The following HIBADH variants were observed in gnomAD, a reference collection of about 807,000 sequenced individuals.
The protein encoded by HIBADH is 3-hydroxyisobutyrate dehydrogenase.
A neutral mutation model predicts 36.1 loss-of-function variants in HIBADH; 25 were observed. The ratio of observed to expected loss-of-function variants is 0.69; its 90% CI spans 0.50 to 0.97. The LOEUF (loss-of-function observed/expected upper bound fraction) is 0.97. Ranked by LOEUF, HIBADH falls within the 50% of genes least tolerant of loss-of-function variation. HIBADH has a pLI of 0.00. For missense variants in HIBADH, 421 were observed against 418.0 expected (o/e 1.01, Z -0.06); for synonymous variants, 160 against 149.5 (o/e 1.07, Z -0.51).
chr7:27,577,501 T>A (rs1334869339), intron 4 of HIBADH, among the ~76,000 whole-genome samples: 1 of 152,186 alleles, frequency 6.6e-6, no homozygotes, highest in Non-Finnish European at 1.5e-5. Flanking sequence ...CAAATCTTTT[T>A]AAAAGACCCA....
chr7:27,636,718 C>T (rs1283431300), intron 2 of HIBADH, among the ~76,000 whole-genome samples: 1 of 152,190 alleles, frequency 6.6e-6, no homozygotes, highest in African/African-American at 2.4e-5. Flanking sequence ...CATAGATCAG[C>T]AGCATCTCCA....
At chr7:27,660,675 AT>A (rs71555708) in intron 1 of HIBADH, among the ~76,000 whole-genome samples, 20 of 151,500 alleles carry the variant, frequency 1.3e-4, no homozygotes, top group African/African-American at 3.4e-4. Context: ...AAAAAAAAAA[AT>A]TTTTTTCAAG....
At chr7:27,584,115 T>G (rs1784827187) in intron 4 of HIBADH, among the ~76,000 whole-genome samples, 1 of 152,054 alleles carries the variant, frequency 6.6e-6, no homozygotes, top group African/African-American at 2.4e-5. Flanking sequence ...AATAACTTTT[T>G]CAGATAATTG....
At chr7:27,595,996 C>T (rs910300765) in intron 4 of HIBADH, among the ~76,000 whole-genome samples, 3 of 152,184 alleles carry the variant, frequency 2.0e-5, no homozygotes, top group African/African-American at 4.8e-5. Flanking sequence ...TCAGTTCCCC[C>T]AAACAGATTG....
chr7:27,632,710 C>CAAA (rs1290958663), intron 2 of HIBADH, among the ~76,000 whole-genome samples: 3 of 151,860 alleles, frequency 2.0e-5, no homozygotes, highest in African/African-American at 7.3e-5. Context: ...GGTAAAAGGG[C>CAAA]AAAACCCAGC....
At chr7:27,640,851 T>A (rs1159016258) in intron 2 of HIBADH, among the ~76,000 whole-genome samples, 1 of 152,202 alleles carries the variant, frequency 6.6e-6, no homozygotes, top group Admixed American at 6.5e-5. Flanking sequence ...CATTTAATGA[T>A]CTATACATAC....
intron 4 of HIBADH, among the ~76,000 whole-genome samples, chr7:27,543,726 C>A (rs1054497235): frequency 1.4e-4 from 22 of 152,204 alleles, no homozygotes; most frequent in African/African-American, 5.1e-4. Flanking sequence ...TTTTTCTTTT[C>A]CTTCCTGCTA....
chr7:27,613,188 AAT>A (rs1159171281), intron 4 of HIBADH, among the ~76,000 whole-genome samples: 6 of 30,466 alleles, frequency 2.0e-4, no homozygotes, highest in Non-Finnish European at 2.8e-4. Flanking sequence ...TATTTATATA[AAT>A]ATATATATTT....
intron 4 of HIBADH, among the ~76,000 whole-genome samples, chr7:27,596,245 G>A (rs1562636282): frequency 6.6e-6 from 1 of 152,064 alleles, no homozygotes; most frequent in East Asian, 1.9e-4. Context: ...TGGCAGAAGG[G>A]GGCATAAAGG....
chr7:27,555,237 T>TG (rs1348349158), intron 4 of HIBADH, among the ~76,000 whole-genome samples: 2 of 150,984 alleles, frequency 1.3e-5, no homozygotes, highest in Non-Finnish European at 2.9e-5. Context: ...GTAATTTAAG[T>TG]GGGGAGAACT....
At chr7:27,626,672 A>G (rs2085790851) in intron 4 of HIBADH, among the ~76,000 whole-genome samples, 1 of 152,218 alleles carries the variant, frequency 6.6e-6, no homozygotes, top group African/African-American at 2.4e-5. Flanking sequence ...AAAAATCATT[A>G]CTATTTTAAA....
Position 27,638,308 on chromosome 7 carries a change from C to CAAAAAA in HIBADH, c.253-5869_253-5864dup, listed in dbSNP as rs368715218. ...ATACCCATCTGATCTTTGGCAAAGT[C>CAAAAAA]AAAAAAAAAAAAAAAAAAAAAACAA... On this transcript the variant is annotated intron_variant, in intron 2 of 7. Transcript: ENST00000265395. 3.2e-3 allele frequency among the ~76,000 whole-genome samples: 175 copies of CAAAAAA among 55,410 alleles called. 5 individuals carry two copies. Among genetic ancestry groups the CAAAAAA allele is most frequent in the African/African-American group, 8.1e-3 (109 of 13,412 alleles). 36.4% of individuals were successfully genotyped at this position (55,410 alleles called of 152,430 possible).
intron 4 of HIBADH, among the ~76,000 whole-genome samples, chr7:27,623,217 A>G (rs1785575494): frequency 6.6e-6 from 1 of 152,224 alleles, no homozygotes; most frequent in South Asian, 2.1e-4. Flanking sequence ...CCTTCATAAT[A>G]ATCCTCAACA....
At chr7:27,578,569 G>A (rs1039054170) in intron 4 of HIBADH, among the ~76,000 whole-genome samples, 6 of 152,076 alleles carry the variant, frequency 3.9e-5, no homozygotes, top group Admixed American at 2.0e-4. Flanking sequence ...CGCCTGTCTC[G>A]GCCTCCTGAA....
chr7:27,537,972 A>C (rs558902728), intron 6 of HIBADH, among the ~76,000 whole-genome samples: 1 of 152,284 alleles, frequency 6.6e-6, no homozygotes, highest in East Asian at 1.9e-4. Flanking sequence ...TACACACTAA[A>C]ACCATGTCTT....
At chr7:27,527,062 GT>G (rs1783913751) in intron 7 of HIBADH, among the ~76,000 whole-genome samples, 2 of 9,232 alleles carry the variant, frequency 2.2e-4, no homozygotes, top group African/African-American at 3.7e-3. Flanking sequence ...GGCAGACAAT[GT>G]GACAGCAAAT....
intron 4 of HIBADH, among the ~76,000 whole-genome samples, chr7:27,617,058 A>G (rs1050406797): frequency 1.3e-5 from 2 of 151,898 alleles, no homozygotes; most frequent in Admixed American, 6.6e-5. Context: ...AGTGTACAGT[A>G]ATGTCCTGGG....
chr7:27,588,919 A>T (rs2128288673), intron 4 of HIBADH, among the ~76,000 whole-genome samples: 1 of 152,294 alleles, frequency 6.6e-6, no homozygotes, highest in Middle Eastern at 3.4e-3. Context: ...ACCACTTTTT[A>T]AAATCAGTAT....
At chr7:27,537,809 AAG>A (rs1784088994) in intron 6 of HIBADH, among the ~76,000 whole-genome samples, 1 of 152,168 alleles carries the variant, frequency 6.6e-6, no homozygotes, top group Non-Finnish European at 1.5e-5. Context: ...AATAAAATGA[AAG>A]AGTTATGCAT....
Sources: gnomAD v4.1 joint callset for allele counts (sites outside exome capture counted in the v4.1 genomes callset) on GRCh38, gnomAD v4.1.1 for gene constraint, MANE v1.5 for transcripts, NCBI Gene and HGNC (gene_info 2026-07-23, HGNC 2026-07-21) for gene names.